Variants in SLC22A23 observed in about 807,000 individuals in gnomAD.
SLC22A23 encodes solute carrier family 22 member 23.
Under a neutral mutation model 61.0 loss-of-function variants are expected in SLC22A23, and 26 were observed. The observed-to-expected ratio is 0.43, with a 90% CI of 0.31 to 0.59. The LOEUF (loss-of-function observed/expected upper bound fraction) is 0.59. Among genes scored for constraint, SLC22A23 ranks in the 20% least tolerant of loss-of-function variants. The pLI, the probability that SLC22A23 is intolerant of heterozygous loss-of-function variation, is 0.11. For missense variants in SLC22A23, 796 were observed against 934.7 expected, an observed-to-expected ratio of 0.85 and a Z score of 1.94; for synonymous variants, 430 against 413.9, an observed-to-expected ratio of 1.04 and a Z score of -0.47.
intron 3 of SLC22A23, among the ~76,000 whole-genome samples, chr6:3,340,808 T>C (rs1764111291): frequency 6.6e-6 from 1 of 152,198 alleles, no homozygotes; most frequent in Non-Finnish European, 1.5e-5. Flanking sequence ...ATGGGATCTG[T>C]CTGGAAAGGA....
intron 2 of SLC22A23, among the ~76,000 whole-genome samples, chr6:3,412,830 C>G (rs1769361726): frequency 6.6e-6 from 1 of 152,106 alleles, no homozygotes; most frequent in South Asian, 2.1e-4. Context: ...ACATTGCTGG[C>G]TCTGAAGACG....
intron 6 of SLC22A23, among the ~76,000 whole-genome samples, chr6:3,288,059 G>C (rs1367044639): frequency 1.3e-5 from 2 of 152,102 alleles, no homozygotes; most frequent in East Asian, 3.9e-4. Flanking sequence ...CCCCACACGA[G>C]CGTATCAACC....
intron 1 of SLC22A23, among the ~76,000 whole-genome samples, chr6:3,431,817 C>G (rs1770883354): frequency 6.6e-6 from 1 of 152,200 alleles, no homozygotes; most frequent in Admixed American, 6.5e-5. Flanking sequence ...ACCACAAAGA[C>G]CGCCATTTGC....
chr6:3,431,066 C>CAAAAAA (rs751754256), intron 1 of SLC22A23, among the ~76,000 whole-genome samples: 1 of 129,458 alleles, frequency 7.7e-6, no homozygotes, highest in African/African-American at 3.0e-5. Flanking sequence ...AACTCCGTCT[C>CAAAAAA]AAAAAAAAAA....
chr6:3,347,984 T>G (rs1217144526), intron 3 of SLC22A23, among the ~76,000 whole-genome samples: 1 of 152,162 alleles, frequency 6.6e-6, no homozygotes, highest in African/African-American at 2.4e-5. Context: ...TCATGGAGGC[T>G]TTTGCTCTCC....
chr6:3,381,789 TATCAGC>T (rs961869520), intron 3 of SLC22A23, among the ~76,000 whole-genome samples: 5 of 152,206 alleles, frequency 3.3e-5, no homozygotes, highest in Non-Finnish European at 5.9e-5. Context: ...TTCCTTTTCT[TATCAGC>T]ATCCTCTTGG....
intron 1 of SLC22A23, among the ~76,000 whole-genome samples, chr6:3,447,173 A>G (rs1380927975): frequency 1.3e-5 from 2 of 152,106 alleles, no homozygotes; most frequent in Non-Finnish European, 2.9e-5. Flanking sequence ...TCCCATATCA[A>G]TTGCTATCAA....
rs1758460815 is a variant in SLC22A23, at chr6:3,271,308, G to A, written c.*1747C>T. ...CAGCCTCCCTTCCTGGGTATCTCAAGATCCCAGGTGTCGGCGTGGTCCAGC... is the reference window on the plus strand; with the variant it reads ...CAGCCTCCCTTCCTGGGTATCTCAAAATCCCAGGTGTCGGCGTGGTCCAGC... On this transcript the variant is annotated 3_prime_UTR_variant, in exon 10 of 10. Transcript: ENST00000406686. 1 of 152,334 alleles carries A rather than the reference G, an allele frequency of 6.6e-6. No homozygotes were observed. The highest frequency in any genetic ancestry group is 1.5e-5 in the Non-Finnish European group (1 of 68,050). The allele number at this position is 152,334 out of a possible 1,614,324, so 9.4% of individuals were successfully genotyped here. A position where few individuals can be genotyped will look rare whatever the true frequency, so the allele number is the denominator to read the frequency against.
intron 3 of SLC22A23, among the ~76,000 whole-genome samples, chr6:3,366,975 C>A (rs1327237789): frequency 1.3e-5 from 2 of 152,172 alleles, no homozygotes; most frequent in African/African-American, 4.8e-5. Flanking sequence ...GGATTAACAC[C>A]AGGTCTTAGG....
chr6:3,335,358 C>T (rs570746549), intron 3 of SLC22A23, among the ~76,000 whole-genome samples: 10 of 152,304 alleles, frequency 6.6e-5, no homozygotes, highest in African/African-American at 2.2e-4. Context: ...TTTGACAGAG[C>T]TTGTCTCACA....
intron 3 of SLC22A23, among the ~76,000 whole-genome samples, chr6:3,351,534 G>A (rs544665018): frequency 2.0e-5 from 3 of 152,272 alleles, no homozygotes; most frequent in Non-Finnish European, 2.9e-5. Context: ...AGTACTGGAC[G>A]GTCAGGACTA....
chr6:3,289,980 G>T, intron 5 of SLC22A23, 114 bp from the exon 6 acceptor site: 4 of 537,184 alleles, frequency 7.4e-6, no homozygotes, highest in East Asian at 4.0e-5. Context: ...GGAGAGAGAA[G>T]CTTTTTTTTT....
intron 3 of SLC22A23, among the ~76,000 whole-genome samples, chr6:3,338,182 T>G (rs1763961427): frequency 6.6e-6 from 1 of 152,214 alleles, no homozygotes; most frequent in African/African-American, 2.4e-5. Flanking sequence ...TCTCAAATCA[T>G]GTATTGCTTT....
At chr6:3,420,248 A>C (rs939252226) in intron 1 of SLC22A23, among the ~76,000 whole-genome samples, 9 of 148,864 alleles carry the variant, frequency 6.0e-5, no homozygotes, top group African/African-American at 7.4e-5. Context: ...AAAAAAAAAA[A>C]CCAAAAACTG....
chr6:3,424,985 C>T (rs1581867252), intron 1 of SLC22A23, among the ~76,000 whole-genome samples: 2 of 152,172 alleles, frequency 1.3e-5, no homozygotes, highest in Non-Finnish European at 2.9e-5. Flanking sequence ...AGAGTGTTAA[C>T]GTCAGGTAGG....
rs2127272608 is a variant in SLC22A23, at chr6:3,270,455, T to A, written c.*2600A>T. On this transcript the variant is annotated 3_prime_UTR_variant, in exon 10 of 10. Transcript: ENST00000406686. ...TGGCAACATTTCATAAAGGTGTTGCTCAACAGCTTCAGGTATCCCTAGGCT... is the reference window on the plus strand; with the variant it reads ...TGGCAACATTTCATAAAGGTGTTGCACAACAGCTTCAGGTATCCCTAGGCT... 6.6e-6 allele frequency: 1 copy of A among 152,468 alleles called. No homozygotes were observed. The highest frequency in any genetic ancestry group is 1.5e-5 in the Non-Finnish European group (1 of 68,044). 9.4% of individuals were successfully genotyped at this position (152,468 alleles called of 1,614,324 possible).
At position 3,296,757 on chromosome 6, in the gene SLC22A23, C is replaced by G. The variant is rs116783938; in HGVS notation, c.1210+1334G>C. Among the ~76,000 whole-genome samples, 1,030 of 152,240 alleles carry G rather than the reference C, an allele frequency of 6.8e-3. 11 individuals are homozygous for G. Among genetic ancestry groups the G allele is most frequent in the African/African-American group, 0.024 (984 of 41,528 alleles). ...GTGGTCCAGCCTGGGTGACCTGACT[C>G]TCACGGCCCTGCACAAGTTGAGGCA... On this transcript the variant is annotated intron_variant, in intron 5 of 9. Coordinates refer to ENST00000406686, the MANE Select transcript of SLC22A23 (RefSeq NM_015482.2).
At chr6:3,435,072 G>A (rs1013449193) in intron 1 of SLC22A23, among the ~76,000 whole-genome samples, 3 of 152,184 alleles carry the variant, frequency 2.0e-5, no homozygotes, top group African/African-American at 7.2e-5. Context: ...GCTGCTGGGA[G>A]TGAAGGACCC....
Position 3,273,194 on chromosome 6 carries a change from A to G in SLC22A23, c.1922T>C (p.Leu641Pro). 6.2e-7 allele frequency: 1 copy of G among 1,613,198 alleles called. No homozygotes were observed. Among genetic ancestry groups the G allele is most frequent in the Non-Finnish European group, 8.5e-7 (1 of 1,179,756 alleles). Reference protein sequence around the residue: ...SNGEHYTRQPLLPHKKGEQPL... With the variant: ...SNGEHYTRQPPLPHKKGEQPL... ...CTGCTCCCCCTTCTTGTGCGGCAGCAGCGGCTGGCGCGTGTAGTGCTCCCC... is the reference window on the plus strand; with the variant it reads ...CTGCTCCCCCTTCTTGTGCGGCAGCGGCGGCTGGCGCGTGTAGTGCTCCCC... The change falls in exon 10 of 10, where the codon CTG (leucine) becomes CCG (proline). Residue 641 changes from leucine (L) to proline (P), a missense_variant. Leu to Pro is a moderately conservative substitution (Grantham distance 98). Transcript: ENST00000406686.
Sources: allele counts gnomAD v4.1 joint callset (sites outside exome capture counted in the v4.1 genomes callset), GRCh38; gene constraint gnomAD v4.1.1; transcripts MANE v1.5; gene names NCBI Gene and HGNC (gene_info 2026-07-23, HGNC 2026-07-21).